NKAIN3: variants seen among roughly 807,000 people sequenced by gnomAD.
NKAIN3 encodes sodium/potassium transporting ATPase interacting 3.
A neutral mutation model predicts 30.2 loss-of-function variants in NKAIN3; 25 were observed. That is an observed-to-expected ratio of 0.83 (90% CI 0.60 to 1.16). NKAIN3 has a LOEUF of 1.16. Among genes scored for constraint, NKAIN3 ranks in the 50% most tolerant of loss-of-function variants. The probability of loss-of-function intolerance (pLI) is 0.00; values close to 1 mark genes in which losing one functional copy is unlikely to be tolerated. For synonymous variants in NKAIN3, 91 were observed against 89.6 expected (o/e 1.02, Z -0.09); for missense variants, 225 against 254.1 (o/e 0.89, Z 0.78).
Position 62,746,850 on chromosome 8 carries a change from C to T in NKAIN3, c.274-82C>T, listed in dbSNP as rs143632173. 8.1e-4 allele frequency: 791 copies of T among 977,478 alleles called. 18 individuals are homozygous for T. In the East Asian group the frequency reaches 0.016, roughly 20 times the overall value. The allele number at this position is 977,478 out of a possible 1,614,324, so 60.6% of individuals were successfully genotyped here. On this transcript the variant is annotated intron_variant, in intron 3 of 6. Coordinates refer to ENST00000623646, the MANE Select transcript of NKAIN3 (RefSeq NM_001304533.3). ...AATCACTGTAGCAATTTCATCTACC[C>T]TGAATTCTTCCTAAGGTCAAAGTCA...
At chr8:62,794,356 C>T (rs1817793482) in intron 4 of NKAIN3, among the ~76,000 whole-genome samples, 1 of 152,022 alleles carries the variant, frequency 6.6e-6, no homozygotes, top group African/African-American at 2.4e-5. Context: ...TGTATAAGTA[C>T]ATGAAAAATC....
At chr8:62,614,568 G>A (rs768262371) in intron 3 of NKAIN3, among the ~76,000 whole-genome samples, 2 of 152,104 alleles carry the variant, frequency 1.3e-5, no homozygotes, top group Non-Finnish European at 2.9e-5. Flanking sequence ...AACCAACTAG[G>A]CCTGTGAGCT....
At chr8:62,633,928 G>A (rs1812044481) in intron 3 of NKAIN3, among the ~76,000 whole-genome samples, 1 of 152,108 alleles carries the variant, frequency 6.6e-6, no homozygotes, top group African/African-American at 2.4e-5. Context: ...GGCAATAAGG[G>A]TAGGAGGGTT....
At chr8:62,850,460 T>C (rs988826110) in intron 4 of NKAIN3, among the ~76,000 whole-genome samples, 9 of 152,066 alleles carry the variant, frequency 5.9e-5, no homozygotes, top group African/African-American at 2.2e-4. Flanking sequence ...TTTAGTTTAA[T>C]TAGATCCCAT....
At chr8:62,400,896 A>C (rs968133635) in intron 1 of NKAIN3, among the ~76,000 whole-genome samples, 2 of 152,058 alleles carry the variant, frequency 1.3e-5, no homozygotes, top group African/African-American at 4.8e-5. Context: ...CTTCAGATAG[A>C]CTTACTTAGG....
chr8:62,470,054 A>G (rs1015172835), intron 1 of NKAIN3, among the ~76,000 whole-genome samples: 2 of 152,206 alleles, frequency 1.3e-5, no homozygotes. Flanking sequence ...ATTTATTAAC[A>G]TATTTCAAGC....
intron 2 of NKAIN3, among the ~76,000 whole-genome samples, chr8:62,583,082 G>T (rs1006944012): frequency 6.6e-6 from 1 of 152,168 alleles, no homozygotes. Flanking sequence ...AGTGTCTTGA[G>T]TATGTTTTAT....
intron 1 of NKAIN3, among the ~76,000 whole-genome samples, chr8:62,257,755 T>C (rs1217455417): frequency 6.6e-6 from 1 of 152,208 alleles, no homozygotes; most frequent in Non-Finnish European, 1.5e-5. Context: ...AAAATGGAGA[T>C]GAACAAAATT....
chr8:62,790,759 A>T (rs1419939897), intron 4 of NKAIN3, among the ~76,000 whole-genome samples: 1 of 152,124 alleles, frequency 6.6e-6, no homozygotes, highest in East Asian at 1.9e-4. Context: ...TGAGAAAGAC[A>T]TGCTTTGGGC....
At chr8:62,496,641 A>G (rs1272021399) in intron 1 of NKAIN3, among the ~76,000 whole-genome samples, 1 of 152,114 alleles carries the variant, frequency 6.6e-6, no homozygotes, top group East Asian at 1.9e-4. Context: ...CATTTATTCA[A>G]CAGAGTTCAT....
chr8:62,676,289 C>T (rs1813472215), intron 3 of NKAIN3, among the ~76,000 whole-genome samples: 1 of 152,232 alleles, frequency 6.6e-6, no homozygotes, highest in Non-Finnish European at 1.5e-5. Flanking sequence ...ATACTATCGG[C>T]CAGGTGCAGT....
At chr8:62,654,651 T>A (rs1253726896) in intron 3 of NKAIN3, among the ~76,000 whole-genome samples, 1 of 152,190 alleles carries the variant, frequency 6.6e-6, no homozygotes, top group Non-Finnish European at 1.5e-5. Flanking sequence ...GAAAATATTA[T>A]TCGTTTAAAA....
chr8:62,973,587 G>A lies in NKAIN3; in HGVS notation c.*8180G>A, dbSNP rs1823880345. Among the ~76,000 whole-genome samples, 2 of 151,150 alleles carry A rather than the reference G, an allele frequency of 1.3e-5. No homozygotes were observed. Among genetic ancestry groups the A allele is most frequent in the South Asian group, 2.2e-4 (1 of 4,634 alleles). ...TAGCCCTTTGTCAGATGGATAGGTT[G>A]CAAAAATTTTCTCCCATTCTGTAGG... On this transcript the variant is annotated 3_prime_UTR_variant, in exon 7 of 7. Transcript: ENST00000623646.
intron 1 of NKAIN3, among the ~76,000 whole-genome samples, chr8:62,561,040 G>C (rs1675178469): frequency 6.6e-6 from 1 of 152,030 alleles, no homozygotes; most frequent in Non-Finnish European, 1.5e-5. Flanking sequence ...AGAGTATAAT[G>C]GTTATTGTCT....
At chr8:62,917,541 A>T (rs1485960519) in intron 4 of NKAIN3, among the ~76,000 whole-genome samples, 6 of 152,202 alleles carry the variant, frequency 3.9e-5, no homozygotes, top group African/African-American at 1.4e-4. Flanking sequence ...AAAGCCCCAG[A>T]TATCTTGTTC....
chr8:62,263,108 T>C (rs1563911010), intron 1 of NKAIN3, among the ~76,000 whole-genome samples: 1 of 152,190 alleles, frequency 6.6e-6, no homozygotes, highest in African/African-American at 2.4e-5. Flanking sequence ...TAATATTGTT[T>C]TCACATTTAG....
chr8:62,572,162 T>C (rs1363027545), intron 1 of NKAIN3, among the ~76,000 whole-genome samples: 1 of 152,204 alleles, frequency 6.6e-6, no homozygotes, highest in Non-Finnish European at 1.5e-5. Flanking sequence ...AAGTCACCTC[T>C]TGAATGCTTT....
intron 1 of NKAIN3, among the ~76,000 whole-genome samples, chr8:62,389,955 A>G (rs772786162): frequency 2.0e-5 from 3 of 152,158 alleles, no homozygotes; most frequent in Non-Finnish European, 4.4e-5. Flanking sequence ...TTGCCTTTAT[A>G]GCCTCTTCAG....
intron 4 of NKAIN3, among the ~76,000 whole-genome samples, chr8:62,786,073 C>A (rs186655271): frequency 2.8e-3 from 430 of 152,074 alleles, no homozygotes; most frequent in Admixed American, 4.5e-3. Flanking sequence ...ACCACACCCC[C>A]CTCCCTGCAA....
Sources: gnomAD v4.1 joint callset for allele counts (sites outside exome capture counted in the v4.1 genomes callset) on GRCh38, gnomAD v4.1.1 for gene constraint, MANE v1.5 for transcripts, NCBI Gene and HGNC (gene_info 2026-07-23, HGNC 2026-07-21) for gene names.